The following SLC38A6 variants were observed in gnomAD, a reference collection of about 807,000 sequenced individuals.
The protein encoded by SLC38A6 is N system amino acid transporter NAT-1.
In SLC38A6, 73 loss-of-function variants were observed where a neutral mutation model predicts 65.0. That is an observed-to-expected ratio of 1.12 (90% confidence interval 0.93 to 1.37). The LOEUF (loss-of-function observed/expected upper bound fraction) is 1.37. Ranked by LOEUF, SLC38A6 falls within the 40% of genes most tolerant of loss-of-function variation. The pLI is 0.00. For missense variants in SLC38A6, 561 were observed against 531.1 expected (o/e 1.06, Z -0.55); for synonymous variants, 183 against 178.8 (o/e 1.02, Z -0.19).
Position 61,043,147 on chromosome 14 carries a change from G to A in SLC38A6, c.625G>A (p.Val209Ile), listed in dbSNP as rs912380244. The A allele has an allele frequency of 5.9e-6, 9 of 1,516,518 alleles. No individual in the cohort carries two copies. In the African/African-American group the frequency reaches 1.3e-4, roughly 21 times the overall value. The allele number at this position is 1,516,518 out of a possible 1,614,324, so 93.9% of individuals were successfully genotyped here. Residue 209 changes from valine (V) to isoleucine (I), a missense_variant and splice_region_variant, in exon 9 of 16, where the codon GTA (valine) becomes ATA (isoleucine). Val to Ile is a conservative substitution (Grantham distance 29). Coordinates refer to ENST00000267488, the MANE Select transcript of SLC38A6 (RefSeq NM_153811.3). ...GTGCTGATTCTGTTTACTTTTTTAG[G>A]TAATAATTAAAAAATGGTCCATCCC... ...FFFMMFFALV[V>I]IIKKWSIPCP...
intron 13 of SLC38A6, 93 bp downstream of exon 13, chr14:61,050,729 C>T: frequency 8.6e-7 from 1 of 1,165,352 alleles, no homozygotes; most frequent in Admixed American, 2.9e-5. Context: ...TGAATCACAT[C>T]TAGTCTTGTA....
In SLC38A6 at chr14:61,076,615, T is replaced by C. The variant is rs918522986; in HGVS notation, c.1291-2195T>C. 3.3e-5 allele frequency among the ~76,000 whole-genome samples: 5 copies of C among 152,254 alleles called. No homozygotes were observed. In the East Asian group the frequency reaches 5.8e-4, roughly 18 times the overall value. On this transcript the variant is annotated intron_variant, in intron 15 of 16. Coordinates refer to the SLC38A6 transcript ENST00000354886. ...GTGTATCCAACTGTTGGAGTTTTTT[T>C]CTACAAAAAGGTTCTGCTCATAGCA... is the stretch of plus-strand genomic sequence containing the variant.
rs375826606 is a variant in SLC38A6 at position 61,051,768 on chromosome 14, T to C, written c.1051-19T>C. 8.1e-6 allele frequency: 13 copies of C among 1,609,294 alleles called. No individual in the cohort carries two copies. The African/African-American group carries it at 1.7e-4, about 21-fold the overall frequency. On this transcript the variant is annotated intron_variant, in intron 13 of 15. Coordinates refer to ENST00000267488, the MANE Select transcript of SLC38A6 (RefSeq NM_153811.3). ...TTGACATTTCCTCTTCGCTATATGT[T>C]TATTTTTCTGTAATACAGGCCAGAA... is the stretch of plus-strand genomic sequence containing the variant.
At chr14:61,006,411 A>T (rs2039122892) in intron 3 of SLC38A6, among the ~76,000 whole-genome samples, 1 of 152,220 alleles carries the variant, frequency 6.6e-6, no homozygotes, top group Non-Finnish European at 1.5e-5. Flanking sequence ...ATGGGAGAAA[A>T]TTTTCACAAC....
chr14:61,062,290 A>G lies in SLC38A6; in HGVS notation c.1290+10155A>G, dbSNP rs112498310. Among the ~76,000 whole-genome samples the G allele has an allele frequency of 3.4e-3, 523 of 152,330 alleles. 6 individuals are homozygous for G. The highest frequency in any genetic ancestry group is 0.012 in the African/African-American group (499 of 41,586). ...AACATTTTATATTCCAGAGAGCAGTAAATTAGAGTTTCTGTTGTCTTACAT... is the reference window on the plus strand; with the variant it reads ...AACATTTTATATTCCAGAGAGCAGTGAATTAGAGTTTCTGTTGTCTTACAT... On this transcript the variant is annotated intron_variant, in intron 15 of 16. Coordinates refer to the SLC38A6 transcript ENST00000354886.
At chr14:61,016,109 A>T (rs892549149) in intron 4 of SLC38A6, among the ~76,000 whole-genome samples, 153 bp downstream of exon 4, 1 of 152,218 alleles carries the variant, frequency 6.6e-6, no homozygotes, top group African/African-American at 2.4e-5. Flanking sequence ...GAGCAGGCAA[A>T]GAAAGAGAAG....
At chr14:61,067,218 T>A (rs1487070183) in intron 15 of SLC38A6, among the ~76,000 whole-genome samples, 1 of 152,216 alleles carries the variant, frequency 6.6e-6, no homozygotes, top group Non-Finnish European at 1.5e-5. Context: ...CTGAACTTGC[T>A]GAAGACTCAA....
At chr14:61,074,249 A>G (rs570479840) in intron 15 of SLC38A6, among the ~76,000 whole-genome samples, 1 of 152,356 alleles carries the variant, frequency 6.6e-6, no homozygotes, top group African/African-American at 2.4e-5. Flanking sequence ...CTGACATTCC[A>G]TGAAGCAGTA....
chr14:61,007,798 A>G (rs1464072539), intron 3 of SLC38A6, among the ~76,000 whole-genome samples: 1 of 152,220 alleles, frequency 6.6e-6, no homozygotes, highest in Non-Finnish European at 1.5e-5. Context: ...TGATATGTAC[A>G]TAATTTTCAG....
At chr14:61,002,883 C>T (rs1490977004) in intron 3 of SLC38A6, among the ~76,000 whole-genome samples, 1 of 152,080 alleles carries the variant, frequency 6.6e-6, no homozygotes, top group Non-Finnish European at 1.5e-5. Context: ...TTGTAAAAGA[C>T]TCAATTAATT....
intron 3 of SLC38A6, among the ~76,000 whole-genome samples, chr14:61,003,349 T>G (rs1165950215): frequency 6.6e-6 from 1 of 152,140 alleles, no homozygotes; most frequent in East Asian, 1.9e-4. Flanking sequence ...GGCTACATAT[T>G]ATTCTATCAA....
At chr14:61,035,717 C>G (rs2041310404) in intron 6 of SLC38A6, among the ~76,000 whole-genome samples, 1 of 152,140 alleles carries the variant, frequency 6.6e-6, no homozygotes, top group South Asian at 2.1e-4. Flanking sequence ...TTAATTAGCA[C>G]CAGTGATTGG....
intron 5 of SLC38A6, among the ~76,000 whole-genome samples, chr14:61,024,483 C>G (rs530898617): frequency 6.6e-6 from 1 of 152,218 alleles, no homozygotes; most frequent in South Asian, 2.1e-4. Flanking sequence ...AAAGATGTGT[C>G]TGGAAGTTTT....
chr14:61,054,462 G>A (rs562312959), downstream of SLC38A6, among the ~76,000 whole-genome samples: 1 of 152,268 alleles, frequency 6.6e-6, no homozygotes, highest in South Asian at 2.1e-4. Context: ...AATTGCTTTA[G>A]CCAATATGGC....
In SLC38A6 at chr14:61,019,806, A is replaced by G. The variant is rs149261952; in HGVS notation, c.403+226A>G. Among the ~76,000 whole-genome samples the G allele has an allele frequency of 3.3e-5, 5 of 151,778 alleles. No individual in the cohort carries two copies. The South Asian group carries it at 6.2e-4, about 19-fold the overall frequency. On this transcript the variant is annotated intron_variant, in intron 5 of 15. Transcript: ENST00000267488. ...GCTAAACCCTGATTGCAGTCGTGTT[A>G]TTAGGTCTGCAACACACCTCTAAAA... is the stretch of plus-strand genomic sequence containing the variant.
chr14:61,063,602 C>T (rs530373190), intron 15 of SLC38A6, among the ~76,000 whole-genome samples: 6 of 152,212 alleles, frequency 3.9e-5, no homozygotes, highest in South Asian at 4.1e-4. Flanking sequence ...TGCAAAGTGC[C>T]GGTTTTCATA....
chr14:61,006,148 C>G (rs1486397490), intron 3 of SLC38A6, among the ~76,000 whole-genome samples: 1 of 152,098 alleles, frequency 6.6e-6, no homozygotes, highest in Non-Finnish European at 1.5e-5. Context: ...AAACTGGATC[C>G]CTTCCTTACA....
chr14:60,992,840 C>G (rs1020816489), intron 3 of SLC38A6, among the ~76,000 whole-genome samples: 1 of 150,856 alleles, frequency 6.6e-6, no homozygotes, highest in African/African-American at 2.4e-5. Flanking sequence ...CTATGAGTTC[C>G]TGCCTCCAAA....
intron 3 of SLC38A6, among the ~76,000 whole-genome samples, chr14:60,999,323 A>G (rs568526978): frequency 6.6e-6 from 1 of 152,224 alleles, no homozygotes; most frequent in Non-Finnish European, 1.5e-5. Context: ...GAAGGTTACA[A>G]TTATTTTATG....
Sources: gnomAD v4.1 joint callset for allele counts (sites outside exome capture counted in the v4.1 genomes callset) on GRCh38, gnomAD v4.1.1 for gene constraint, MANE v1.5 for transcripts, NCBI Gene and HGNC (gene_info 2026-07-23, HGNC 2026-07-21) for gene names.